Variants in TRMT1L observed in about 807,000 individuals in gnomAD.
TRMT1L encodes tRNA (guanine(27)-N(2))-dimethyltransferase.
In TRMT1L, 28 loss-of-function variants were observed where a neutral mutation model predicts 81.6. The observed-to-expected ratio is 0.34, with a 90% CI of 0.25 to 0.47. TRMT1L has a LOEUF of 0.47. TRMT1L is among the 20% of genes least tolerant of loss of function. The pLI is 1.00. For missense variants in TRMT1L, 739 were observed against 877.1 expected, an observed-to-expected ratio of 0.84 and a Z score of 1.99; for synonymous variants, 301 against 303.2, an observed-to-expected ratio of 0.99 and a Z score of 0.07.
At chr1:185,128,906 G>A (rs1473657687) in intron 10 of TRMT1L, among the ~76,000 whole-genome samples, 159 bp from the exon 11 acceptor site, 1 of 152,018 alleles carries the variant, frequency 6.6e-6, no homozygotes, top group Admixed American at 6.6e-5. Flanking sequence ...ATGTGTGTGT[G>A]CATATGTATA....
At chr1:185,127,759 C>CAAAAAAAAAAAAAA (rs986438990) in intron 11 of TRMT1L, among the ~76,000 whole-genome samples, 1 of 36,430 alleles carries the variant, frequency 2.7e-5, no homozygotes, top group Non-Finnish European at 6.0e-5. Flanking sequence ...AACTCTGTCT[C>CAAAAAAAAAAAAAA]AAAAAAAAAA....
chr1:185,128,517 C>G, intron 11 of TRMT1L, 152 bp downstream of exon 11: 1 of 689,952 alleles, frequency 1.4e-6, no homozygotes, highest in Non-Finnish European at 2.4e-6. Context: ...TATTAAACAC[C>G]TCAGGTTCAT....
intron 13 of TRMT1L, among the ~76,000 whole-genome samples, 171 bp downstream of exon 13, chr1:185,123,686 A>G (rs1652551175): frequency 6.6e-6 from 1 of 152,206 alleles, no homozygotes; most frequent in Non-Finnish European, 1.5e-5. Flanking sequence ...GTTAACAGAA[A>G]TTTCCTATGT....
rs367918583 is a variant in TRMT1L, at chr1:185,139,484, A to G, written c.1205T>C (p.Ile402Thr). 30 of 1,614,068 alleles carry G rather than the reference A, an allele frequency of 1.9e-5. No homozygotes were observed. Among genetic ancestry groups the G allele is most frequent in the Non-Finnish European group, 2.5e-5 (29 of 1,180,028 alleles). ...LGIVSVTSTDISSLYAKAQHV... is the reference protein window; with the variant it reads ...LGIVSVTSTDTSSLYAKAQHV... ...CTGTGCCTTGGCATATAAAGAACTGATATCTGTAGAAGTCACTGACACTAT... is the reference window on the plus strand; with the variant it reads ...CTGTGCCTTGGCATATAAAGAACTGGTATCTGTAGAAGTCACTGACACTAT... The change falls in exon 9 of 15, where the codon ATC (isoleucine) becomes ACC (threonine). Residue 402 changes from isoleucine to threonine, a missense_variant. Around this residue, in one of 4 missense-constraint regions of TRMT1L, gnomAD observed 331 missense variants for 462.2 expected, o/e 0.72. Transcript: ENST00000367506.
At chr1:185,147,315 AG>A in intron 3 of TRMT1L, 69 bp from the exon 4 acceptor site, 2 of 1,204,964 alleles carry the variant, frequency 1.7e-6, no homozygotes, top group South Asian at 2.6e-5. Context: ...ATTATAAGCA[AG>A]TTTTATTTTA....
rs1652983913 is a variant in TRMT1L, at chr1:185,139,570, G to T, written c.1119C>A (p.Asp373Glu). The T allele has an allele frequency of 6.2e-7, 1 of 1,604,942 alleles. No individual in the cohort carries two copies. The highest frequency in any genetic ancestry group is 2.2e-5 in the East Asian group (1 of 44,730). Residue 373 changes from aspartate (D) to glutamate (E), a missense_variant, in exon 9 of 15, where the codon GAC becomes GAA. Physicochemically the swap from Asp to Glu is conservative, Grantham distance 45. Coordinates refer to ENST00000367506, the MANE Select transcript of TRMT1L (RefSeq NM_030934.5). ...GATAATTCACTGATGTTCCAAAAGG[G>T]TCTAGATGTCTAAAATCAGAAAGAA... is the stretch of plus-strand genomic sequence containing the variant. ...HLRSFDFIHL[D>E]PFGTSVNYLD...
intron 7 of TRMT1L, among the ~76,000 whole-genome samples, chr1:185,142,077 G>T (rs888533906): frequency 8.5e-5 from 13 of 152,100 alleles, no homozygotes; most frequent in Non-Finnish European, 2.9e-5. Flanking sequence ...AGAGTAACAG[G>T]AAAAGAAGGA....
At chr1:185,150,005 G>T (rs1183330139) in intron 3 of TRMT1L, among the ~76,000 whole-genome samples, 2 of 151,852 alleles carry the variant, frequency 1.3e-5, no homozygotes, top group Non-Finnish European at 2.9e-5. Flanking sequence ...ATATTATCTT[G>T]TATTTTCCAA....
chr1:185,150,027 ATTATT>A (rs1483742009), intron 3 of TRMT1L, among the ~76,000 whole-genome samples: 2 of 152,176 alleles, frequency 1.3e-5, no homozygotes, highest in African/African-American at 2.4e-5. Flanking sequence ...ATTCATACAA[ATTATT>A]TTATTTTCTT....
intron 8 of TRMT1L, 29 bp downstream of exon 8, chr1:185,139,944 A>C: frequency 6.3e-7 from 1 of 1,581,646 alleles, no homozygotes; most frequent in Admixed American, 1.8e-5. Flanking sequence ...TAAGTTTAGA[A>C]AGTGACACGG....
At chr1:185,145,358 A>C (rs1653160237) in intron 5 of TRMT1L, 81 bp downstream of exon 5, 5 of 1,424,680 alleles carry the variant, frequency 3.5e-6, no homozygotes, top group Middle Eastern at 2.0e-4. Flanking sequence ...ATTATTTTAT[A>C]TTCCTGATGT....
At chr1:185,127,668 A>G (rs1652663539) in intron 11 of TRMT1L, among the ~76,000 whole-genome samples, 1 of 151,590 alleles carries the variant, frequency 6.6e-6, no homozygotes, top group Non-Finnish European at 1.5e-5. Context: ...CTGAGGTAGG[A>G]AAATTGCTTG....
intron 12 of TRMT1L, 138 bp downstream of exon 12, chr1:185,124,806 G>C (rs1268741939): frequency 1.3e-6 from 1 of 759,016 alleles, no homozygotes; most frequent in Non-Finnish European, 1.9e-6. Flanking sequence ...CAGAGGATCA[G>C]ACTCATTAGA....
At position 185,156,808 on chromosome 1, in the gene TRMT1L, A is replaced by G; in HGVS notation, c.-96T>C. The G allele has an allele frequency of 4.0e-6, 6 of 1,508,756 alleles. No individual in the cohort carries two copies. Among genetic ancestry groups the G allele is most frequent in the Non-Finnish European group, 4.5e-6 (5 of 1,122,120 alleles). The allele number at this position is 1,508,756 out of a possible 1,614,324, so 93.5% of individuals were successfully genotyped here. On this transcript the variant is annotated 5_prime_UTR_variant, in exon 1 of 15. Coordinates refer to ENST00000367506, the MANE Select transcript of TRMT1L (RefSeq NM_030934.5). ...GTGAATGCCCACAGGGCTGGATCCAAGGAGTGGGGAAGCAAGTGGGGAGGG... is the reference window on the plus strand; with the variant it reads ...GTGAATGCCCACAGGGCTGGATCCAGGGAGTGGGGAAGCAAGTGGGGAGGG...
chr1:185,129,563 A>G (rs1174316691), intron 10 of TRMT1L, among the ~76,000 whole-genome samples: 1 of 152,206 alleles, frequency 6.6e-6, no homozygotes, highest in African/African-American at 2.4e-5. Flanking sequence ...CCTCCACTCC[A>G]GGCCATTCCT....
chr1:185,139,227 G>T, intron 9 of TRMT1L, 140 bp downstream of exon 9: 1 of 613,188 alleles, frequency 1.6e-6, no homozygotes, highest in Non-Finnish European at 2.7e-6. Flanking sequence ...TACCACGTAA[G>T]ATTAAAAACC....
chr1:185,140,361 A>G, intron 7 of TRMT1L, 139 bp from the exon 8 acceptor site: 1 of 747,720 alleles, frequency 1.3e-6, no homozygotes, highest in East Asian at 2.8e-5. Flanking sequence ...CCTTCTTACT[A>G]CAAAGCTTCT....
Position 185,128,713 on chromosome 1 carries a change from A to G in TRMT1L, c.1548T>C (p.His516=). ...NPYRQLPCNC[H]GSMPGKTAIE... is the part of the protein sequence containing the mutation. ...TTGCTGTCTTTCCAGGCATGCTTCC[A>G]TGACAGTTACAAGGCAGCTGTCTAT... Residue 516 remains histidine, a synonymous_variant, in exon 11 of 15, where the codon CAT becomes CAC. Transcript: ENST00000367506. The G allele has an allele frequency of 1.9e-6, 3 of 1,611,584 alleles. No individual in the cohort carries two copies. Among genetic ancestry groups the G allele is most frequent in the Non-Finnish European group, 2.5e-6 (3 of 1,179,286 alleles).
chr1:185,145,640 A>C, intron 4 of TRMT1L, 72 bp from the exon 5 acceptor site: 3 of 1,461,566 alleles, frequency 2.1e-6, no homozygotes, highest in Non-Finnish European at 2.8e-6. Flanking sequence ...TGCAAATTTA[A>C]GTACATTAGT....
Sources: gnomAD v4.1 joint callset for allele counts (sites outside exome capture counted in the v4.1 genomes callset) on GRCh38, gnomAD v4.1.1 for gene constraint, gnomAD v4.1.1 regional missense constraint, MANE v1.5 for transcripts, NCBI Gene and HGNC (gene_info 2026-07-23, HGNC 2026-07-21) for gene names.